Variants in PTPRC observed in about 807,000 individuals in gnomAD.
PTPRC encodes receptor-type tyrosine-protein phosphatase C.
A neutral mutation model predicts 155.9 loss-of-function variants in PTPRC; 44 were observed. The observed-to-expected ratio is 0.28, with a 90% confidence interval of 0.22 to 0.36. The LOEUF is 0.36. PTPRC is among the 10% of genes least tolerant of loss of function. The probability of loss-of-function intolerance (pLI) is 1.00; values close to 1 mark genes in which losing one functional copy is unlikely to be tolerated. For synonymous variants in PTPRC, 525 were observed against 533.1 expected (o/e 0.98, Z 0.21); for missense variants, 1,401 against 1,564.6 (o/e 0.90, Z 1.76).
intron 12 of PTPRC, among the ~76,000 whole-genome samples, chr1:198,716,354 AC>A (rs1304970114): frequency 1.3e-5 from 2 of 152,232 alleles, no homozygotes; most frequent in Non-Finnish European, 2.9e-5. Context: ...CTCAAGACTT[AC>A]AGTATACACT....
intron 4 of PTPRC, among the ~76,000 whole-genome samples, chr1:198,698,502 A>G (rs1361697662): frequency 6.6e-6 from 1 of 152,116 alleles, no homozygotes; most frequent in South Asian, 2.1e-4. Flanking sequence ...ATTTACTGAT[A>G]TAATTGGGGG....
chr1:198,702,465 C>T lies in PTPRC; in HGVS notation c.518C>T (p.Ala173Val), dbSNP rs1558008145. ...VSPLTTTLSL[A>V]HHSSAALPAR... is the part of the protein sequence containing the mutation. ...CCATTGACAACCACCCTCAGCCTTG[C>T]ACACCACAGCTCTGCTGCCTTACCT... Residue 173 changes from alanine to valine, a missense_variant, in exon 6 of 33, where the codon GCA (alanine) becomes GTA (valine). Around this residue, in one of 3 missense-constraint regions of PTPRC, gnomAD observed 867 missense variants for 970.4 expected, o/e 0.89. Transcript: ENST00000442510. 6.2e-7 allele frequency: 1 copy of T among 1,614,192 alleles called. No homozygotes were observed. The highest frequency in any genetic ancestry group is 8.5e-7 in the Non-Finnish European group (1 of 1,180,034).
chr1:198,653,329 A>G (rs895302639), intron 2 of PTPRC, among the ~76,000 whole-genome samples: 1 of 151,892 alleles, frequency 6.6e-6, no homozygotes, highest in African/African-American at 2.4e-5. Flanking sequence ...GAATTGTTAT[A>G]CTGTTTAAGC....
intron 16 of PTPRC, among the ~76,000 whole-genome samples, chr1:198,728,700 G>T (rs1002217619): frequency 2.6e-5 from 4 of 152,118 alleles, no homozygotes; most frequent in Admixed American, 2.0e-4. Context: ...CCAGTGAAAA[G>T]AATGTGTGTG....
chr1:198,737,720 T>C (rs929724004), intron 23 of PTPRC, among the ~76,000 whole-genome samples: 1 of 151,712 alleles, frequency 6.6e-6, no homozygotes, highest in Non-Finnish European at 1.5e-5. Context: ...TTTTGATAGA[T>C]ATTGCATTGA....
chr1:198,704,484 C>A lies in PTPRC; in HGVS notation c.671C>A (p.Ser224Tyr). 2 of 1,614,040 alleles carry A rather than the reference C, an allele frequency of 1.2e-6. No homozygotes were observed. Among genetic ancestry groups the A allele is most frequent in the Non-Finnish European group, 1.7e-6 (2 of 1,179,970 alleles). ...ISTTTIATTP[S>Y]KPTCDEKYAN... ...TTCTCCATTACAGCTACTACTCCAT[C>A]TAAGCCAACATGTGGTAAGTTTATT... is the stretch of plus-strand genomic sequence containing the variant. The change falls in exon 8 of 33, where the codon TCT (serine) becomes TAT (tyrosine). Residue 224 changes from serine (S) to tyrosine (Y), a missense_variant. Ser to Tyr is a moderately radical substitution (Grantham distance 144, BLOSUM62 -2). This residue lies in a region of PTPRC where 867 missense variants were observed against 970.4 expected (regional missense o/e 0.89). Coordinates refer to ENST00000442510, the MANE Select transcript of PTPRC (RefSeq NM_002838.5).
At chr1:198,731,335 A>G (rs1442254183) in intron 17 of PTPRC, among the ~76,000 whole-genome samples, 1 of 152,056 alleles carries the variant, frequency 6.6e-6, no homozygotes, top group African/African-American at 2.4e-5. Context: ...TGTCCTTATA[A>G]TGGTGATGTT....
rs780306635 is a variant in PTPRC, at chr1:198,718,246, A to G, written c.1603A>G (p.Lys535Glu). 6 of 1,614,112 alleles carry G rather than the reference A, an allele frequency of 3.7e-6. No homozygotes were observed. Among genetic ancestry groups the G allele is most frequent in the Non-Finnish European group, 4.2e-6 (5 of 1,179,982 alleles). ...GNTLVRNESH[K>E]NCDFRVKDLQ... is the part of the protein sequence containing the mutation. Reference sequence around the variant, plus strand: ...TACTCTGGTTAGAAATGAGTCGCATAAGAATTGCGATTTCCGTGTAAAAGA... The same window carrying G: ...TACTCTGGTTAGAAATGAGTCGCATGAGAATTGCGATTTCCGTGTAAAAGA... The change falls in exon 14 of 33, where the codon AAG becomes GAG. Residue 535 changes from lysine to glutamate, a missense_variant. Transcript: ENST00000442510.
chr1:198,675,478 C>CG (rs1557987717), intron 2 of PTPRC, among the ~76,000 whole-genome samples: 1 of 152,062 alleles, frequency 6.6e-6, no homozygotes, highest in African/African-American at 2.4e-5. Flanking sequence ...GATCTTCCCC[C>CG]TGACTAGGTT....
At chr1:198,720,920 TCA>T (rs1330539613) in intron 14 of PTPRC, among the ~76,000 whole-genome samples, 1 of 151,936 alleles carries the variant, frequency 6.6e-6, no homozygotes, top group African/African-American at 2.4e-5. Flanking sequence ...CTATAATTTC[TCA>T]GAGGCACCTA....
intron 12 of PTPRC, among the ~76,000 whole-genome samples, chr1:198,714,888 C>T (rs1653496376): frequency 6.6e-6 from 1 of 151,872 alleles, no homozygotes; most frequent in Admixed American, 6.6e-5. Context: ...TTCAGTGTCT[C>T]TAAAAGAGAG....
intron 23 of PTPRC, among the ~76,000 whole-genome samples, chr1:198,739,634 A>G (rs1476061891): frequency 1.3e-5 from 2 of 151,842 alleles, no homozygotes; most frequent in Non-Finnish European, 2.9e-5. Flanking sequence ...TAATAGTTGG[A>G]GACTTCAACA....
At chr1:198,677,582 G>T (rs1346811276) in intron 2 of PTPRC, among the ~76,000 whole-genome samples, 1 of 151,806 alleles carries the variant, frequency 6.6e-6, no homozygotes, top group Non-Finnish European at 1.5e-5. Flanking sequence ...TAAGAATAGG[G>T]TAAGCATTCT....
intron 2 of PTPRC, among the ~76,000 whole-genome samples, chr1:198,643,017 A>T (rs934586195): frequency 6.7e-6 from 1 of 149,284 alleles, no homozygotes; most frequent in East Asian, 2.0e-4. Context: ...AACAAACAGG[A>T]GGTAGTTTTA....
intron 18 of PTPRC, 144 bp from the exon 19 acceptor site, chr1:198,732,156 A>C (rs1355469811): frequency 9.9e-6 from 7 of 704,606 alleles, no homozygotes; most frequent in Non-Finnish European, 1.5e-5. Flanking sequence ...CCTGATCTTA[A>C]TTTTGATTAC....
intron 28 of PTPRC, 161 bp from the exon 29 acceptor site, chr1:198,750,331 A>G (rs1251657893): frequency 1.8e-5 from 13 of 718,012 alleles, no homozygotes; most frequent in African/African-American, 3.6e-5. Context: ...ATTATTTTAC[A>G]TATAGCTATT....
intron 2 of PTPRC, among the ~76,000 whole-genome samples, chr1:198,658,966 T>C (rs1463164605): frequency 1.3e-5 from 2 of 152,174 alleles, no homozygotes; most frequent in Non-Finnish European, 2.9e-5. Context: ...GCAGGAAGTA[T>C]CTGCATTTCT....
At chr1:198,666,575 C>T (rs1557980505) in intron 2 of PTPRC, among the ~76,000 whole-genome samples, 1 of 152,142 alleles carries the variant, frequency 6.6e-6, no homozygotes, top group Non-Finnish European at 1.5e-5. Context: ...TGTGATATAA[C>T]AGCAGCCTTC....
At chr1:198,718,433 A>T in intron 14 of PTPRC, 131 bp downstream of exon 14, 1 of 796,464 alleles carries the variant, frequency 1.3e-6, no homozygotes, top group African/African-American at 1.7e-5. Flanking sequence ...AATCACACTT[A>T]AAGAGTCTCA....
Sources: gnomAD v4.1 joint callset for allele counts (sites outside exome capture counted in the v4.1 genomes callset) on GRCh38, gnomAD v4.1.1 for gene constraint, gnomAD v4.1.1 regional missense constraint, MANE v1.5 for transcripts, NCBI Gene and HGNC (gene_info 2026-07-23, HGNC 2026-07-21) for gene names.